Variants in DDIT3 observed in about 807,000 individuals in gnomAD.
The protein encoded by DDIT3 is DNA damage inducible transcript 3, also known as DNA damage-inducible transcript 3 protein.
A neutral mutation model predicts 17.6 loss-of-function variants in DDIT3; 14 were observed. The observed-to-expected ratio is 0.80, with a 90% CI of 0.53 to 1.25. The LOEUF is 1.25. Among genes scored for constraint, DDIT3 ranks in the 50% most tolerant of loss-of-function variants. DDIT3 has a pLI of 0.00. For missense variants in DDIT3, 216 were observed against 202.7 expected (o/e 1.07, Z -0.40); for synonymous variants, 93 against 76.5 (o/e 1.22, Z -1.13).
At chr12:57,518,350 C>T (rs1443928282) in intron 1 of DDIT3, among the ~76,000 whole-genome samples, 1 of 152,204 alleles carries the variant, frequency 6.6e-6, no homozygotes, top group Non-Finnish European at 1.5e-5. Context: ...AACTAAACTA[C>T]AGGGAAGGGA....
Position 57,516,708 on chromosome 12 carries a change from T to C in DDIT3, c.*101A>G, listed in dbSNP as rs1877866564. ...AAGCCTTCCCCCTGCGTATGTGGGATTGAGGGTCACATCATTGGCACTAGT... is the reference window on the plus strand; with the variant it reads ...AAGCCTTCCCCCTGCGTATGTGGGACTGAGGGTCACATCATTGGCACTAGT... On this transcript the variant is annotated 3_prime_UTR_variant, in exon 4 of 4. Coordinates refer to ENST00000346473, the MANE Select transcript of DDIT3 (RefSeq NM_004083.6). 3.9e-6 allele frequency: 6 copies of C among 1,537,394 alleles called. No homozygotes were observed. The highest frequency in any genetic ancestry group is 1.8e-4 in the Middle Eastern group (1 of 5,438).
chr12:57,517,820 CTTTTTT>C (rs535852912), intron 1 of DDIT3, 67 bp from the exon 2 acceptor site: 7 of 425,174 alleles, frequency 1.6e-5, no homozygotes, highest in African/African-American at 6.3e-5. Flanking sequence ...TTTTCTTTTT[CTTTTTT>C]TCTTTCTTTT....
Position 57,517,820 on chromosome 12 carries a change from CT to C in DDIT3, c.-80-68del, listed in dbSNP as rs535852912. On this transcript the variant is annotated intron_variant, in intron 1 of 3. Coordinates refer to ENST00000346473, the MANE Select transcript of DDIT3 (RefSeq NM_004083.6). ...GGAGAGGCAACTTACTTTTCTTTTT[CT>C]TTTTTTCTTTCTTTTTTTTTTTTTG... 422 of 425,260 alleles carry C rather than the reference CT, an allele frequency of 9.9e-4. 2 individuals carry two copies. Among genetic ancestry groups the C allele is most frequent in the African/African-American group, 7.8e-3 (371 of 47,748 alleles). The allele number at this position is 425,260 out of a possible 1,614,324, so 26.3% of individuals were successfully genotyped here. A position where few individuals can be genotyped will look rare whatever the true frequency, so the allele number is the denominator to read the frequency against.
At position 57,516,680 on chromosome 12, in the gene DDIT3, T is replaced by C; in HGVS notation, c.*129A>G. Reference sequence around the variant, plus strand: ...AGCTGAGACCTTTCCTTTTGTCTACTCCAAGCCTTCCCCCTGCGTATGTGG... The same window carrying C: ...AGCTGAGACCTTTCCTTTTGTCTACCCCAAGCCTTCCCCCTGCGTATGTGG... On this transcript the variant is annotated 3_prime_UTR_variant, in exon 4 of 4. Coordinates refer to ENST00000346473, the MANE Select transcript of DDIT3 (RefSeq NM_004083.6). 2 of 1,526,538 alleles carry C rather than the reference T, an allele frequency of 1.3e-6. No homozygotes were observed. Among genetic ancestry groups the C allele is most frequent in the South Asian group, 2.6e-5 (2 of 76,022 alleles). 94.6% of individuals were successfully genotyped at this position (1,526,538 alleles called of 1,614,324 possible). A position where few individuals can be genotyped will look rare whatever the true frequency, so the allele number is the denominator to read the frequency against.
intron 1 of DDIT3, among the ~76,000 whole-genome samples, chr12:57,519,850 G>C (rs1200742994): frequency 6.6e-6 from 1 of 152,166 alleles, no homozygotes; most frequent in Non-Finnish European, 1.5e-5. Flanking sequence ...AGACCTCTAC[G>C]GCAAAAGGAA....
In DDIT3 at chr12:57,517,079, A is replaced by C. The variant is rs765043248; in HGVS notation, c.240T>G (p.Pro80=). The C allele has an allele frequency of 1.2e-6, 2 of 1,614,056 alleles. No individual in the cohort carries two copies. The highest frequency in any genetic ancestry group is 1.7e-6 in the Non-Finnish European group (2 of 1,180,006). Residue 80 remains proline (P), a synonymous_variant, in exon 4 of 4, where the codon CCT becomes CCG. Transcript: ENST00000346473. ...PAEVTSTSQS[P]HSPDSSQSSL... is the part of the protein sequence containing the mutation. ...AGCTCTGACTGGAATCTGGAGAGTG[A>C]GGGCTCTGGGAGGTGCTTGTGACCT...
Position 57,516,599 on chromosome 12 carries a change from A to G in DDIT3, c.*210T>C. ...AAAAGTAAAAGACCTTGGCTCATAG[A>G]AAGTCACTTTAATAGATAGGGACAG... On this transcript the variant is annotated 3_prime_UTR_variant, in exon 4 of 4. Transcript: ENST00000346473. 2.6e-6 allele frequency: 4 copies of G among 1,558,922 alleles called. No individual in the cohort carries two copies. The highest frequency in any genetic ancestry group is 3.4e-6 in the Non-Finnish European group (4 of 1,159,620).
In DDIT3 at chr12:57,517,827, T is replaced by G. The variant is rs535757971; in HGVS notation, c.-80-74A>C. ...CAACTTACTTTTCTTTTTCTTTTTTTCTTTCTTTTTTTTTTTTTGAGACCA... is the reference window on the plus strand; with the variant it reads ...CAACTTACTTTTCTTTTTCTTTTTTGCTTTCTTTTTTTTTTTTTGAGACCA... On this transcript the variant is annotated intron_variant, in intron 1 of 3. Coordinates refer to ENST00000346473, the MANE Select transcript of DDIT3 (RefSeq NM_004083.6). The G allele has an allele frequency of 9.8e-4, 420 of 430,094 alleles. 2 individuals are homozygous for G. Among genetic ancestry groups the G allele is most frequent in the African/African-American group, 8.0e-3 (372 of 46,232 alleles). The allele number at this position is 430,094 out of a possible 1,614,324, so 26.6% of individuals were successfully genotyped here. A position where few individuals can be genotyped will look rare whatever the true frequency, so the allele number is the denominator to read the frequency against.
At chr12:57,519,771 C>T (rs1422519120) in intron 1 of DDIT3, among the ~76,000 whole-genome samples, 1 of 152,184 alleles carries the variant, frequency 6.6e-6, no homozygotes, top group East Asian at 1.9e-4. Flanking sequence ...AGGACAATAC[C>T]CTGGGGAGAC....
intron 2 of DDIT3, 45 bp from the exon 3 acceptor site, chr12:57,517,483 A>C: frequency 1.3e-6 from 2 of 1,597,364 alleles, no homozygotes; most frequent in Non-Finnish European, 8.5e-7. Context: ...CATGTAGCAA[A>C]CAGTCTATGC....
Position 57,517,347 on chromosome 12 carries a change from G to A in DDIT3, c.60C>T (p.Ala20=), listed in dbSNP as rs1877942382. The part of the protein sequence containing the change: ...FGTLSSWELE[A]WYEDLQEVLS... ...GGACCTCTTGCAGGTCCTCATACCA[G>A]GCTTCCAGCTCCCAGCTGGACAGTG... The change falls in exon 3 of 4, where the codon GCC becomes GCT. Residue 20 remains alanine (A), a synonymous_variant. Coordinates refer to ENST00000346473, the MANE Select transcript of DDIT3 (RefSeq NM_004083.6). 1 of 1,613,812 alleles carries A rather than the reference G, an allele frequency of 6.2e-7. No homozygotes were observed. The highest frequency in any genetic ancestry group is 8.5e-7 in the Non-Finnish European group (1 of 1,180,022).
In DDIT3 at chr12:57,520,485, C is replaced by G. The variant is rs1474160785; in HGVS notation, c.-148G>C. The stretch of plus-strand genomic sequence containing the variant: ...CCACCCGCTCATCTTTAACATGATA[C>G]GCTCAGTGCCTTAGACTTAAGTCTC... On this transcript the variant is annotated 5_prime_UTR_variant, in exon 1 of 4. Coordinates refer to ENST00000346473, the MANE Select transcript of DDIT3 (RefSeq NM_004083.6). 1.8e-5 allele frequency: 7 copies of G among 398,550 alleles called. No individual in the cohort carries two copies. Among genetic ancestry groups the G allele is most frequent in the Non-Finnish European group, 3.1e-5 (7 of 226,104 alleles). 24.7% of individuals were successfully genotyped at this position (398,550 alleles called of 1,614,324 possible).
Position 57,517,376 on chromosome 12 carries a change from C to G in DDIT3, c.31G>C (p.Gly11Arg), listed in dbSNP as rs201227991. ...TCCAGCTCCCAGCTGGACAGTGTCC[C>G]GAAGGAGAAAGGCAATGACTCAGCT... is the stretch of plus-strand genomic sequence containing the variant. MAAESLPFSF[G>R]TLSSWELEAW... The change falls in exon 3 of 4, where the codon GGG becomes CGG. Residue 11 changes from glycine to arginine, a missense_variant. Physicochemically the swap from Gly to Arg is moderately radical, Grantham distance 125 (BLOSUM62 -2). Coordinates refer to ENST00000346473, the MANE Select transcript of DDIT3 (RefSeq NM_004083.6). 2 of 1,612,558 alleles carry G rather than the reference C, an allele frequency of 1.2e-6. No homozygotes were observed. The highest frequency in any genetic ancestry group is 8.5e-7 in the Non-Finnish European group (1 of 1,180,016).
rs697221 is a variant in DDIT3 at position 57,517,377 on chromosome 12, G to A, written c.30C>T (p.Phe10=). ...CCAGCTCCCAGCTGGACAGTGTCCC[G>A]AAGGAGAAAGGCAATGACTCAGCTG... MAAESLPFS[F]GTLSSWELEA... Residue 10 remains phenylalanine (F), a synonymous_variant, in exon 3 of 4, where the codon TTC becomes TTT. Transcript: ENST00000346473. 240,567 of 1,611,882 alleles carry A rather than the reference G, an allele frequency of 0.15. 19,096 individuals are homozygous for A. Among genetic ancestry groups the A allele is most frequent in the East Asian group, 0.22 (9,969 of 44,866 alleles).
intron 1 of DDIT3, chr12:57,519,198 A>C (rs377525107): frequency 6.2e-5 from 33 of 533,106 alleles, no homozygotes; most frequent in Non-Finnish European, 1.1e-4. Flanking sequence ...CAAACCCTCC[A>C]ATGACTTCCT....
Position 57,516,873 on chromosome 12 carries a change from G to A in DDIT3, c.446C>T (p.Thr149Ile), listed in dbSNP as rs1368059244. 1 of 1,613,666 alleles carries A rather than the reference G, an allele frequency of 6.2e-7. No individual in the cohort carries two copies. Among genetic ancestry groups the A allele is most frequent in the Non-Finnish European group, 8.5e-7 (1 of 1,180,042 alleles). The change falls in exon 4 of 4, where the codon ACC becomes ATC. Residue 149 changes from threonine to isoleucine, a missense_variant. Coordinates refer to ENST00000346473, the MANE Select transcript of DDIT3 (RefSeq NM_004083.6). ...TCGGCGAGTCGCCTCTACTTCCCTG[G>A]TCAGGCGCTCGATTTCCTGCTTGAG... ...ERLKQEIERL[T>I]REVEATRRAL...
intron 1 of DDIT3, 69 bp from the exon 2 acceptor site, chr12:57,517,822 T>A: frequency 2.3e-6 from 1 of 431,524 alleles, no homozygotes; most frequent in Non-Finnish European, 4.0e-6. Context: ...TTCTTTTTCT[T>A]TTTTTCTTTC....
Position 57,517,347 on chromosome 12 carries a change from G to GGCTTCCA in DDIT3, c.53_59dup (p.Trp21GlyfsTer5). Reference sequence around the variant, plus strand: ...GGACCTCTTGCAGGTCCTCATACCAGGCTTCCAGCTCCCAGCTGGACAGTG... The same window carrying GGCTTCCA: ...GGACCTCTTGCAGGTCCTCATACCAGGCTTCCAGCTTCCAGCTCCCAGCTGGACAGTG... On this transcript the variant is annotated frameshift_variant, in exon 3 of 4. Transcript: ENST00000346473. LOFTEE classifies it high-confidence loss of function. 6.2e-7 allele frequency: 1 copy of GGCTTCCA among 1,613,812 alleles called. No individual in the cohort carries two copies. Among genetic ancestry groups the GGCTTCCA allele is most frequent in the Non-Finnish European group, 8.5e-7 (1 of 1,180,022 alleles).
intron 1 of DDIT3, among the ~76,000 whole-genome samples, chr12:57,518,207 G>A (rs564611970): frequency 1.9e-4 from 29 of 152,062 alleles, no homozygotes; most frequent in African/African-American, 5.8e-4. Flanking sequence ...TAGCCATTTC[G>A]AAGGGCAGAA....
Sources: gnomAD v4.1 joint callset for allele counts (sites outside exome capture counted in the v4.1 genomes callset) on GRCh38, gnomAD v4.1.1 for gene constraint, MANE v1.5 for transcripts, NCBI Gene and HGNC (gene_info 2026-07-23, HGNC 2026-07-21) for gene names.